Variants in DMD observed in about 807,000 individuals in gnomAD.
DMD encodes dystrophin, also known as mutant dystrophin.
In DMD, 63 loss-of-function variants were observed where a neutral mutation model predicts 330.1. That is an observed-to-expected ratio of 0.19 (90% CI 0.16 to 0.24). DMD has a LOEUF of 0.24. DMD is among the 10% of genes least tolerant of loss of function. The probability of loss-of-function intolerance (pLI) is 1.00; values close to 1 mark genes in which losing one functional copy is unlikely to be tolerated. For synonymous variants in DMD, 1,223 were observed against 959.8 expected, an observed-to-expected ratio of 1.27 and a Z score of -5.07; for missense variants, 3,344 against 2,684.1, an observed-to-expected ratio of 1.25 and a Z score of -5.43.
intron 55 of DMD, among the ~76,000 whole-genome samples, chrX:31,566,784 T>C (rs2075491021): frequency 8.9e-6 from 1 of 112,291 alleles, no homozygotes; most frequent in Admixed American, 9.4e-5. Flanking sequence ...ATCAGCATTT[T>C]ATAATTTTCT....
At chrX:33,064,901 T>TAATAA (rs948856007) in intron 1 of DMD, among the ~76,000 whole-genome samples, 7 of 110,558 alleles carry the variant, frequency 6.3e-5, no homozygotes, top group African/African-American at 2.0e-4. Context: ...AAAAAAATAA[T>TAATAA]AATAAAATAA....
At chrX:32,716,060 T>G (rs1221052380) in intron 7 of DMD, among the ~76,000 whole-genome samples, 1 of 111,924 alleles carries the variant, frequency 8.9e-6, no homozygotes, top group Non-Finnish European at 1.9e-5. Flanking sequence ...ATATTTCATG[T>G]AACTTTCTCT....
At chrX:31,397,727 A>G (rs757862398) in intron 60 of DMD, among the ~76,000 whole-genome samples, 6 of 112,495 alleles carry the variant, frequency 5.3e-5, no homozygotes, top group Non-Finnish European at 7.5e-5. Flanking sequence ...AGGAAACATA[A>G]TGCAAAATTG....
At chrX:32,440,833 T>C (rs1176730027) in intron 28 of DMD, among the ~76,000 whole-genome samples, 1 of 111,619 alleles carries the variant, frequency 9.0e-6, no homozygotes, top group South Asian at 3.7e-4. Context: ...CTGGAAATAA[T>C]ATTTCATATT....
intron 30 of DMD, among the ~76,000 whole-genome samples, chrX:32,398,335 T>A (rs1331297001): frequency 9.4e-6 from 1 of 106,727 alleles, no homozygotes; most frequent in African/African-American, 3.4e-5. Flanking sequence ...AAAGAAGTTT[T>A]GACTTTTATC....
At chrX:32,367,278 G>A (rs1203691058) in intron 34 of DMD, among the ~76,000 whole-genome samples, 2 of 111,639 alleles carry the variant, frequency 1.8e-5, no homozygotes, top group Non-Finnish European at 3.8e-5. Flanking sequence ...TAAAACGGTA[G>A]AGAAGTCCCC....
intron 29 of DMD, among the ~76,000 whole-genome samples, chrX:32,419,497 A>G (rs1025917132): frequency 4.5e-5 from 5 of 112,348 alleles, no homozygotes; most frequent in Non-Finnish European, 9.4e-5. Flanking sequence ...TAATGTATTT[A>G]ATAGGGATAT....
At chrX:32,360,800 A>AAATAATAATAATAATAATAATAAT (rs199527400) in intron 37 of DMD, among the ~76,000 whole-genome samples, 29 of 95,951 alleles carry the variant, frequency 3.0e-4, no homozygotes, top group African/African-American at 1.1e-3. Flanking sequence ...CACACACACA[A>AAATAATAATAATAATAATAATAAT]AATAATAATA....
intron 1 of DMD, among the ~76,000 whole-genome samples, chrX:33,255,542 A>C (rs778017138): frequency 4.5e-5 from 5 of 110,527 alleles, no homozygotes; most frequent in African/African-American, 1.3e-4. Context: ...GATTATTTTA[A>C]AACCATAGAT....
chrX:32,279,552 G>A lies in DMD; in HGVS notation c.6290+7977C>T, dbSNP rs192633825. 6.3e-3 allele frequency among the ~76,000 whole-genome samples: 699 copies of A among 110,210 alleles called. 3 individuals are homozygous for A. The highest frequency in any genetic ancestry group is 0.022 in the African/African-American group (676 of 30,304). On this transcript the variant is annotated intron_variant, in intron 43 of 78. Coordinates refer to ENST00000357033, the MANE Select transcript of DMD (RefSeq NM_004006.3). ...GAGGTCATTGTGTTAAATGAAATAAGCCAGGCACAGAAAGACAAACATCAC... is the reference window on the plus strand; with the variant it reads ...GAGGTCATTGTGTTAAATGAAATAAACCAGGCACAGAAAGACAAACATCAC...
intron 9 of DMD, among the ~76,000 whole-genome samples, chrX:32,689,873 A>G (rs1320140619): frequency 9.0e-6 from 1 of 110,576 alleles, no homozygotes; most frequent in Non-Finnish European, 1.9e-5. Flanking sequence ...AAACCATTAA[A>G]CTCTCAACAA....
At chrX:32,685,843 C>A (rs1262349516) in intron 9 of DMD, among the ~76,000 whole-genome samples, 1 of 111,616 alleles carries the variant, frequency 9.0e-6, no homozygotes, top group African/African-American at 3.3e-5. Context: ...ATAGCATTCT[C>A]ATAATTTAAA....
intron 57 of DMD, among the ~76,000 whole-genome samples, chrX:31,492,233 TTAG>T (rs1159981993): frequency 8.9e-6 from 1 of 112,571 alleles, no homozygotes; most frequent in African/African-American, 3.2e-5. Flanking sequence ...CTGTCAACTA[TTAG>T]ATCTTGATGG....
chrX:32,614,506 G>A (rs2057410409), intron 11 of DMD, 53 bp from the exon 12 acceptor site: 2 of 990,135 alleles, frequency 2.0e-6, no homozygotes, highest in Non-Finnish European at 2.8e-6. Context: ...ACTTATTACT[G>A]AACATCACAA....
rs757728186 is a variant in DMD at position 31,946,795 on chromosome X, G to GT, written c.6615-14569dup. ...TGTATGTTTACGAAAACTGAAGGGA[G>GT]TTTTTTTTTTTTTCTCCACTGGGAG... On this transcript the variant is annotated intron_variant, in intron 45 of 78. Transcript: ENST00000357033. Among the ~76,000 whole-genome samples the GT allele has an allele frequency of 9.1e-3, 925 of 102,206 alleles. 7 individuals carry two copies. The highest frequency in any genetic ancestry group is 0.025 in the African/African-American group (700 of 28,557). The allele number at this position is 102,206 out of a possible 115,157, so 88.8% of individuals were successfully genotyped here. A position where few individuals can be genotyped will look rare whatever the true frequency, so the allele number is the denominator to read the frequency against.
intron 9 of DMD, among the ~76,000 whole-genome samples, chrX:32,652,816 C>A (rs1238308592): frequency 1.8e-5 from 2 of 111,730 alleles, no homozygotes; most frequent in Admixed American, 1.9e-4. Context: ...ACATCCTCTC[C>A]AGCACCTGTT....
At chrX:31,970,144 G>A (rs2095385947) in intron 44 of DMD, among the ~76,000 whole-genome samples, 1 of 111,709 alleles carries the variant, frequency 9.0e-6, no homozygotes, top group Admixed American at 9.6e-5. Flanking sequence ...TTAGTACAAT[G>A]TCTGATGCAT....
At chrX:31,898,081 AAGG>A (rs1331814156) in intron 47 of DMD, among the ~76,000 whole-genome samples, 5 of 110,345 alleles carry the variant, frequency 4.5e-5, no homozygotes, top group Non-Finnish European at 9.5e-5. Flanking sequence ...GGACCTCTTC[AAGG>A]AGAACTACAA....
chrX:32,434,623 G>T (rs765138359), intron 29 of DMD, among the ~76,000 whole-genome samples: 62 of 111,137 alleles, frequency 5.6e-4, no homozygotes, highest in African/African-American at 1.8e-3. Flanking sequence ...TTATCCCAAG[G>T]CTTATTCTAC....
Sources: allele counts gnomAD v4.1 joint callset (sites outside exome capture counted in the v4.1 genomes callset), GRCh38; gene constraint gnomAD v4.1.1; transcripts MANE v1.5; gene names NCBI Gene and HGNC (gene_info 2026-07-23, HGNC 2026-07-21).